Variants in FAM184B observed in about 807,000 individuals in gnomAD.
FAM184B encodes protein FAM184B.
FAM184B carries 111 observed loss-of-function variants against 135.9 expected under a neutral mutation model. The observed-to-expected ratio is 0.82, with a 90% confidence interval of 0.70 to 0.96. FAM184B has a LOEUF of 0.96. Ranked by LOEUF, FAM184B falls within the 40% of genes least tolerant of loss-of-function variation. The pLI is 0.00. For synonymous variants in FAM184B, 552 were observed against 524.8 expected, an observed-to-expected ratio of 1.05 and a Z score of -0.71; for missense variants, 1,375 against 1,323.9, an observed-to-expected ratio of 1.04 and a Z score of -0.60.
Position 17,781,227 on chromosome 4 carries a change from C to G in FAM184B, c.73G>C (p.Gly25Arg), listed in dbSNP as rs1220607897. The stretch of plus-strand genomic sequence containing the variant: ...TGGGGATCACAGTCCATTCTCCAGC[C>G]GGCGCCACCGTCGGCTTTGGAGCCC... ...CQGSKADGGA[G>R]WRMDCDPQMH... is the part of the protein sequence containing the mutation. Residue 25 changes from glycine to arginine, a missense_variant, in exon 1 of 18, where the codon GGC becomes CGC. Coordinates refer to ENST00000265018, the MANE Select transcript of FAM184B (RefSeq NM_015688.2). The surrounding 1 kb of genome is among the most constrained non-coding windows in gnomAD (Gnocchi z 6.5). 6.4e-7 allele frequency: 1 copy of G among 1,550,960 alleles called. No homozygotes were observed. The highest frequency in any genetic ancestry group is 8.7e-7 in the Non-Finnish European group (1 of 1,146,688).
intron 13 of FAM184B, 30 bp from the exon 14 acceptor site, chr4:17,639,426 G>C (rs1174805040): frequency 1.3e-6 from 2 of 1,549,394 alleles, no homozygotes; most frequent in African/African-American, 2.7e-5. Context: ...AGCCAGGCTT[G>C]CCCAGCTCCA....
chr4:17,777,275 TA>T (rs1405067364), intron 1 of FAM184B, among the ~76,000 whole-genome samples: 1 of 152,152 alleles, frequency 6.6e-6, no homozygotes, highest in Non-Finnish European at 1.5e-5. Context: ...AGAGATAATT[TA>T]AAGAGATAGG....
chr4:17,633,838 G>A lies in FAM184B; in HGVS notation c.2940C>T (p.Leu980=), dbSNP rs1398379236. Reference sequence around the variant, plus strand: ...TCAGAAAGTTCTTTGCATAGGAGGCGAGGTTCGGCACGCTGACCACGCGGC... The same window carrying A: ...TCAGAAAGTTCTTTGCATAGGAGGCAAGGTTCGGCACGCTGACCACGCGGC... ...VPSRVVSVPN[L]ASYAKNFLSG... The change falls in exon 17 of 18, where the codon CTC becomes CTT. Residue 980 remains leucine (L), a synonymous_variant. Transcript: ENST00000265018. 4 of 1,551,296 alleles carry A rather than the reference G, an allele frequency of 2.6e-6. No individual in the cohort carries two copies. Among genetic ancestry groups the A allele is most frequent in the East Asian group, 2.4e-5 (1 of 40,916 alleles).
intron 1 of FAM184B, among the ~76,000 whole-genome samples, chr4:17,768,342 T>C (rs534214153): frequency 6.6e-5 from 10 of 152,346 alleles, no homozygotes; most frequent in African/African-American, 2.2e-4. Context: ...TGTTGCGATT[T>C]CAGCTCACTG....
intron 6 of FAM184B, among the ~76,000 whole-genome samples, chr4:17,691,381 T>C (rs772595515): frequency 5.9e-4 from 90 of 152,314 alleles, no homozygotes; most frequent in Non-Finnish European, 1.1e-3. Flanking sequence ...CTAGCCATTA[T>C]TGTTTTTAAA....
At chr4:17,750,659 A>G (rs1283422687) in intron 1 of FAM184B, among the ~76,000 whole-genome samples, 1 of 152,194 alleles carries the variant, frequency 6.6e-6, no homozygotes, top group East Asian at 1.9e-4. Context: ...CAGGGGGAAA[A>G]TAGCTCCTGT....
rs369541310 is a variant in FAM184B, at chr4:17,758,432, C to T, written c.141+22727G>A. Among the ~76,000 whole-genome samples, 9 of 152,354 alleles carry T rather than the reference C, an allele frequency of 5.9e-5. No individual in the cohort carries two copies. The East Asian group carries it at 7.7e-4, about 13-fold the overall frequency. On this transcript the variant is annotated intron_variant, in intron 1 of 17. Transcript: ENST00000265018. Reference sequence around the variant, plus strand: ...ATCCTAGAACCAACCAGCCAAGTAACTAACTGACTGCCTACCTGTAGCAGC... The same window carrying T: ...ATCCTAGAACCAACCAGCCAAGTAATTAACTGACTGCCTACCTGTAGCAGC...
chr4:17,651,166 C>G (rs1715605161), intron 11 of FAM184B, among the ~76,000 whole-genome samples: 1 of 151,992 alleles, frequency 6.6e-6, no homozygotes, highest in Non-Finnish European at 1.5e-5. Flanking sequence ...AGAAAGATGA[C>G]AGTAAAGGAG....
At chr4:17,705,713 C>T (rs1248304864) in intron 4 of FAM184B, 39 bp downstream of exon 4, 2 of 1,549,762 alleles carry the variant, frequency 1.3e-6, no homozygotes, top group East Asian at 2.4e-5. Flanking sequence ...GCAAAGCTCT[C>T]TGTGCCTTCT....
intron 1 of FAM184B, among the ~76,000 whole-genome samples, chr4:17,774,583 C>T (rs760410308): frequency 6.6e-6 from 1 of 152,218 alleles, no homozygotes; most frequent in Non-Finnish European, 1.5e-5. Flanking sequence ...GTGCATTTTA[C>T]TGTTCCATCC....
chr4:17,732,844 G>A (rs1717816744), intron 1 of FAM184B, among the ~76,000 whole-genome samples: 1 of 152,142 alleles, frequency 6.6e-6, no homozygotes, highest in Non-Finnish European at 1.5e-5. Flanking sequence ...TATGAGGCCA[G>A]CATCATCCTG....
chr4:17,663,233 G>A (rs1033534023), intron 8 of FAM184B, among the ~76,000 whole-genome samples: 9 of 152,108 alleles, frequency 5.9e-5, no homozygotes, highest in African/African-American at 1.7e-4. Flanking sequence ...CACCATGCCC[G>A]GCCTCACATA....
At chr4:17,640,167 G>T (rs557787669) in intron 13 of FAM184B, among the ~76,000 whole-genome samples, 1 of 151,276 alleles carries the variant, frequency 6.6e-6, no homozygotes, top group African/African-American at 2.4e-5. Flanking sequence ...TTTATCAAAA[G>T]AAGTGGTTAT....
At chr4:17,729,857 C>T (rs1388565874) in intron 1 of FAM184B, among the ~76,000 whole-genome samples, 1 of 152,182 alleles carries the variant, frequency 6.6e-6, no homozygotes, top group Non-Finnish European at 1.5e-5. Context: ...AAGCAGAGTG[C>T]CTCTCCTCCT....
intron 5 of FAM184B, among the ~76,000 whole-genome samples, chr4:17,702,153 G>A: frequency 6.6e-6 from 1 of 152,122 alleles, no homozygotes; most frequent in East Asian, 1.9e-4. Flanking sequence ...CTGGGTAGCT[G>A]CCAAGCCCAG....
intron 5 of FAM184B, among the ~76,000 whole-genome samples, chr4:17,698,581 A>G (rs903591304): frequency 6.6e-5 from 10 of 152,164 alleles, no homozygotes; most frequent in African/African-American, 2.2e-4. Flanking sequence ...TTAAATAATC[A>G]CTCAGAACCA....
intron 5 of FAM184B, among the ~76,000 whole-genome samples, chr4:17,697,820 T>C (rs1347490770): frequency 6.6e-6 from 1 of 152,176 alleles, no homozygotes; most frequent in Non-Finnish European, 1.5e-5. Flanking sequence ...TGATTAATCA[T>C]AGCTTCAGCT....
chr4:17,684,723 C>T (rs1262673425), intron 7 of FAM184B, among the ~76,000 whole-genome samples: 2 of 152,184 alleles, frequency 1.3e-5, no homozygotes, highest in African/African-American at 4.8e-5. Context: ...ATAGAGGAGG[C>T]ATCTGCACTT....
At chr4:17,664,510 A>C in intron 8 of FAM184B, 52 bp downstream of exon 8, 1 of 1,328,188 alleles carries the variant, frequency 7.5e-7, no homozygotes, top group Non-Finnish European at 1.1e-6. Flanking sequence ...ATCCTTCCAC[A>C]TCTGAGTCCT....
Sources: gnomAD v4.1 joint callset for allele counts (sites outside exome capture counted in the v4.1 genomes callset) on GRCh38, gnomAD v4.1.1 for gene constraint, Gnocchi (gnomAD v3.1) non-coding constraint, MANE v1.5 for transcripts, NCBI Gene and HGNC (gene_info 2026-07-23, HGNC 2026-07-21) for gene names.